TYR: variants seen among roughly 807,000 people sequenced by gnomAD.
The protein encoded by TYR is LB24-AB.
A neutral mutation model predicts 51.5 loss-of-function variants in TYR; 58 were observed. That is an observed-to-expected ratio of 1.13 (90% CI 0.91 to 1.40). The LOEUF is 1.40. Among genes scored for constraint, TYR ranks in the 40% most tolerant of loss-of-function variants. The probability of loss-of-function intolerance (pLI) is 0.00; values close to 1 mark genes in which losing one functional copy is unlikely to be tolerated. For synonymous variants in TYR, 263 were observed against 235.2 expected (o/e 1.12, Z -1.08); for missense variants, 732 against 647.4 (o/e 1.13, Z -1.42).
intron 3 of TYR, among the ~76,000 whole-genome samples, chr11:89,263,290 G>C (rs758134838): frequency 2.6e-5 from 4 of 151,704 alleles, no homozygotes; most frequent in Non-Finnish European, 4.4e-5. Flanking sequence ...GAAAAAGATA[G>C]TACCTTTCAT....
intron 3 of TYR, among the ~76,000 whole-genome samples, chr11:89,229,114 C>A (rs1392358165): frequency 6.6e-6 from 1 of 152,060 alleles, no homozygotes; most frequent in Non-Finnish European, 1.5e-5. Flanking sequence ...TTACCAAAAT[C>A]TTCTCTTCAT....
chr11:89,232,723 T>C (rs1488235113), intron 3 of TYR, among the ~76,000 whole-genome samples: 4 of 142,720 alleles, frequency 2.8e-5, no homozygotes, highest in Non-Finnish European at 4.5e-5. Context: ...AAAAAAAAAA[T>C]TAAAATTAAA....
intron 3 of TYR, among the ~76,000 whole-genome samples, chr11:89,266,041 C>T (rs1238337901): frequency 2.0e-5 from 3 of 151,892 alleles, no homozygotes; most frequent in African/African-American, 7.2e-5. Flanking sequence ...AGCATTTGAT[C>T]GATCTTTTCT....
At position 89,285,100 on chromosome 11, in the gene TYR, T is replaced by C. The variant is rs1944768358; in HGVS notation, c.1366+146T>C. The C allele has an allele frequency of 1.5e-5, 11 of 735,230 alleles. No individual in the cohort carries two copies. In the Admixed American group the frequency reaches 2.5e-4, roughly 17 times the overall value. 45.5% of individuals were successfully genotyped at this position (735,230 alleles called of 1,614,324 possible). On this transcript the variant is annotated intron_variant, in intron 4 of 4. Transcript: ENST00000263321. ...ATTATAATCCTTAATTTATTACCAG[T>C]TTATTATCACAGGAATCAAATTCTG...
chr11:89,273,027 C>A (rs1304771284), intron 3 of TYR, among the ~76,000 whole-genome samples: 1 of 151,864 alleles, frequency 6.6e-6, no homozygotes, highest in Non-Finnish European at 1.5e-5. Flanking sequence ...TTCATATCGG[C>A]AATAAGGCTG....
chr11:89,211,304 A>T (rs945403201), intron 2 of TYR, among the ~76,000 whole-genome samples: 4 of 152,170 alleles, frequency 2.6e-5, no homozygotes, highest in Non-Finnish European at 5.9e-5. Context: ...AGAAAAAAGC[A>T]GGGGTTGCAA....
chr11:89,183,012 T>G (rs974634524), intron 1 of TYR, among the ~76,000 whole-genome samples: 30 of 152,108 alleles, frequency 2.0e-4, no homozygotes, highest in African/African-American at 6.0e-4. Context: ...TAGGTAACCA[T>G]GACGACAGCT....
intron 1 of TYR, among the ~76,000 whole-genome samples, chr11:89,182,292 G>A (rs1943310193): frequency 6.6e-6 from 1 of 152,124 alleles, no homozygotes. Flanking sequence ...TAGCTCCAAT[G>A]CTAACATACA....
chr11:89,210,481 A>C (rs1014986731), intron 2 of TYR, among the ~76,000 whole-genome samples: 1 of 152,192 alleles, frequency 6.6e-6, no homozygotes, highest in Non-Finnish European at 1.5e-5. Flanking sequence ...AAAAGACCAA[A>C]CCTACATTTG....
chr11:89,279,575 T>G (rs1171421665), intron 3 of TYR, among the ~76,000 whole-genome samples: 1 of 151,750 alleles, frequency 6.6e-6, no homozygotes, highest in Non-Finnish European at 1.5e-5. Context: ...TTTTCTGAAG[T>G]CTCCCATGTC....
chr11:89,215,797 A>G (rs1361947141), intron 2 of TYR, among the ~76,000 whole-genome samples: 1 of 152,086 alleles, frequency 6.6e-6, no homozygotes, highest in Non-Finnish European at 1.5e-5. Flanking sequence ...TTTTGGAGAG[A>G]GATCATTAAT....
At chr11:89,188,755 A>C (rs979092489) in intron 1 of TYR, among the ~76,000 whole-genome samples, 1 of 152,032 alleles carries the variant, frequency 6.6e-6, no homozygotes, top group Non-Finnish European at 1.5e-5. Context: ...TAACCCAAGC[A>C]GGTATCAAGG....
chr11:89,218,574 T>C (rs1327449345), intron 2 of TYR, among the ~76,000 whole-genome samples: 3 of 152,048 alleles, frequency 2.0e-5, no homozygotes, highest in Non-Finnish European at 2.9e-5. Context: ...AGGAGGAAAA[T>C]TGACAAATTC....
chr11:89,264,308 A>G (rs915346856), intron 3 of TYR, among the ~76,000 whole-genome samples: 4 of 152,016 alleles, frequency 2.6e-5, no homozygotes, highest in African/African-American at 7.2e-5. Flanking sequence ...TTTGGGTGGC[A>G]AGTTCTCAAA....
intron 4 of TYR, 71 bp downstream of exon 4, chr11:89,285,025 C>T (rs1944767389): frequency 2.3e-6 from 3 of 1,314,710 alleles, no homozygotes; most frequent in African/African-American, 2.9e-5. Flanking sequence ...TAACACAAAA[C>T]TTTATGCTTC....
intron 1 of TYR, among the ~76,000 whole-genome samples, chr11:89,185,378 G>T (rs1943357299): frequency 6.6e-6 from 1 of 152,098 alleles, no homozygotes; most frequent in Admixed American, 6.6e-5. Context: ...CAAGAAAAAT[G>T]AGCACTCAAC....
intron 3 of TYR, among the ~76,000 whole-genome samples, chr11:89,248,863 T>C (rs185613009): frequency 1.1e-3 from 167 of 152,172 alleles, no homozygotes; most frequent in African/African-American, 3.9e-3. Context: ...AACCGAACCT[T>C]ATGTATTTCA....
intron 2 of TYR, among the ~76,000 whole-genome samples, chr11:89,200,910 TG>T (rs1478711879): frequency 2.0e-5 from 3 of 152,194 alleles, no homozygotes; most frequent in African/African-American, 7.2e-5. Flanking sequence ...CTGTCAAATC[TG>T]AAATCATATC....
intron 3 of TYR, among the ~76,000 whole-genome samples, chr11:89,236,264 A>C (rs938641553): frequency 1.3e-5 from 2 of 150,346 alleles, no homozygotes; most frequent in African/African-American, 4.9e-5. Context: ...ACACCAGACA[A>C]GAGAAAGAGG....
Sources: allele counts gnomAD v4.1 joint callset (sites outside exome capture counted in the v4.1 genomes callset), GRCh38; gene constraint gnomAD v4.1.1; transcripts MANE v1.5; gene names NCBI Gene and HGNC (gene_info 2026-07-23, HGNC 2026-07-21).